ZNF827: variants seen among roughly 807,000 people sequenced by gnomAD.
ZNF827 encodes zinc finger protein 827.
A neutral mutation model predicts 102.4 loss-of-function variants in ZNF827; 13 were observed. The ratio of observed to expected loss-of-function variants is 0.13; its 90% CI spans 0.08 to 0.20. ZNF827 has a LOEUF of 0.20. ZNF827 is among the 10% of genes least tolerant of loss of function. The pLI, the probability that ZNF827 is intolerant of heterozygous loss-of-function variation, is 1.00. For missense variants in ZNF827, 1,103 were observed against 1,344.4 expected (o/e 0.82, Z 2.81); for synonymous variants, 523 against 536.2 (o/e 0.98, Z 0.34).
intron 5 of ZNF827, among the ~76,000 whole-genome samples, chr4:145,856,101 T>C (rs1372415362): frequency 6.6e-6 from 1 of 152,022 alleles, no homozygotes; most frequent in African/African-American, 2.4e-5. Flanking sequence ...TTCAAGCAAT[T>C]CTCCTGCCTC....
In ZNF827 at chr4:145,849,362, G is replaced by A; in HGVS notation, c.2181C>T (p.Ile727=). ...PPERNLFSQD[I]SVKMASELLF... is the part of the protein sequence containing the mutation. ...GGAGCTCGGAAGCCATTTTCACAGA[G>A]ATATCCTGACTGAAGAGGTTTCTCT... The change falls in exon 6 of 15, where the codon ATC becomes ATT. Residue 727 remains isoleucine (I), a synonymous_variant. Transcript: ENST00000508784. The A allele has an allele frequency of 6.2e-7, 1 of 1,614,096 alleles. No individual in the cohort carries two copies.
intron 4 of ZNF827, among the ~76,000 whole-genome samples, chr4:145,879,844 A>G (rs909704992): frequency 1.3e-5 from 2 of 152,228 alleles, no homozygotes; most frequent in Non-Finnish European, 2.9e-5. Flanking sequence ...GGCAGAGAAC[A>G]GAGCCGAGTT....
intron 11 of ZNF827, among the ~76,000 whole-genome samples, chr4:145,771,455 T>C (rs1366146211): frequency 6.6e-6 from 1 of 152,246 alleles, no homozygotes. Context: ...GATAGTTGTA[T>C]TTTCCAAATA....
chr4:145,823,733 G>C (rs941416915), intron 7 of ZNF827, among the ~76,000 whole-genome samples: 2 of 152,206 alleles, frequency 1.3e-5, no homozygotes, highest in African/African-American at 4.8e-5. Context: ...TTCTGCCTAT[G>C]GGTTTTATAT....
In ZNF827 at chr4:145,852,525, A is replaced by G. The variant is rs116045928; in HGVS notation, c.1982-2964T>C. ...TCTCAATGGACAAGTGAAACACTGG[A>G]CAAATAATACAGTAAATATCACAGT... On this transcript the variant is annotated intron_variant, in intron 5 of 14. Coordinates refer to ENST00000508784, the MANE Select transcript of ZNF827 (RefSeq NM_001306215.2). Among the ~76,000 whole-genome samples the G allele has an allele frequency of 3.9e-3, 590 of 152,306 alleles. 2 individuals carry two copies. The highest frequency in any genetic ancestry group is 0.014 in the Middle Eastern group (4 of 294).
Position 145,757,644 on chromosome 4 carries a change from T to C in ZNF827, c.*3972A>G, listed in dbSNP as rs1441210920. Reference sequence around the variant, plus strand: ...AACAAGAGTATAGCCAACCTTTTTTTTTTTTTAATTAGAGTATATTATACT... The same window carrying C: ...AACAAGAGTATAGCCAACCTTTTTTCTTTTTTAATTAGAGTATATTATACT... On this transcript the variant is annotated 3_prime_UTR_variant, in exon 15 of 15. Coordinates refer to ENST00000508784, the MANE Select transcript of ZNF827 (RefSeq NM_001306215.2). 6.6e-6 allele frequency: 1 copy of C among 152,004 alleles called. No individual in the cohort carries two copies. The highest frequency in any genetic ancestry group is 1.9e-4 in the East Asian group (1 of 5,202). The allele number at this position is 152,004 out of a possible 1,614,324, so 9.4% of individuals were successfully genotyped here.
intron 7 of ZNF827, among the ~76,000 whole-genome samples, chr4:145,837,470 C>A (rs996444866): frequency 7.1e-6 from 1 of 141,122 alleles, no homozygotes; most frequent in African/African-American, 2.5e-5. Context: ...AGACTGTGCC[C>A]CCCACCAAAA....
At chr4:145,928,602 C>A (rs1753594692) in intron 1 of ZNF827, among the ~76,000 whole-genome samples, 1 of 152,200 alleles carries the variant, frequency 6.6e-6, no homozygotes, top group Admixed American at 6.5e-5. Flanking sequence ...CTACAATGGT[C>A]TCCCACTTCA....
intron 1 of ZNF827, among the ~76,000 whole-genome samples, chr4:145,920,032 T>C (rs947751850): frequency 1.3e-5 from 2 of 152,268 alleles, no homozygotes; most frequent in African/African-American, 4.8e-5. Context: ...AAGATACTAA[T>C]ATCTGCAATT....
intron 8 of ZNF827, among the ~76,000 whole-genome samples, chr4:145,822,103 CT>C (rs745385420): frequency 5.5e-4 from 84 of 152,276 alleles, no homozygotes; most frequent in Admixed American, 4.2e-3. Flanking sequence ...CCAAGAACCC[CT>C]GTTTGAGTAT....
chr4:145,802,788 A>T (rs1053044881), intron 8 of ZNF827, among the ~76,000 whole-genome samples: 1 of 152,152 alleles, frequency 6.6e-6, no homozygotes, highest in Non-Finnish European at 1.5e-5. Flanking sequence ...AAAAAAAATT[A>T]AAAAGTTAGC....
intron 2 of ZNF827, among the ~76,000 whole-genome samples, chr4:145,899,610 C>T (rs879389300): frequency 1.2e-4 from 19 of 152,188 alleles, no homozygotes; most frequent in Non-Finnish European, 2.5e-4. Context: ...GATGGGCCCA[C>T]GTGGACGTAT....
At chr4:145,786,428 A>T (rs896971647) in intron 8 of ZNF827, among the ~76,000 whole-genome samples, 13 of 152,220 alleles carry the variant, frequency 8.5e-5, no homozygotes, top group African/African-American at 3.1e-4. Context: ...CAGATCAACT[A>T]AATCTCATTA....
At chr4:145,770,124 C>A (rs115413191) in intron 11 of ZNF827, among the ~76,000 whole-genome samples, 3,188 of 152,110 alleles carry the variant, frequency 0.021, 47 homozygotes, top group Non-Finnish European at 0.034. Flanking sequence ...TGGCAAAACC[C>A]CATCTCTACT....
chr4:145,799,356 T>G (rs534149983), intron 8 of ZNF827, among the ~76,000 whole-genome samples: 1 of 152,316 alleles, frequency 6.6e-6, no homozygotes, highest in South Asian at 2.1e-4. Flanking sequence ...TATGACATCA[T>G]TAATCCTCAC....
intron 1 of ZNF827, among the ~76,000 whole-genome samples, chr4:145,924,092 A>G (rs953946902): frequency 4.6e-5 from 7 of 152,250 alleles, no homozygotes; most frequent in African/African-American, 1.7e-4. Context: ...AGCTACATGC[A>G]TCAACATGGA....
Position 145,902,913 on chromosome 4 carries a change from T to C in ZNF827, c.346A>G (p.Asn116Asp). Reference sequence around the variant, plus strand: ...CTCAAATTGCTGCTCAGGGGCTTGTTGGAGCCTGGGTCATCGTCACACAAA... The same window carrying C: ...CTCAAATTGCTGCTCAGGGGCTTGTCGGAGCCTGGGTCATCGTCACACAAA... ...SSLCDDDPGS[N>D]KPLSSNLRRL... The change falls in exon 2 of 15, where the codon AAC becomes GAC. Residue 116 changes from asparagine (N) to aspartate (D), a missense_variant. Physicochemically the swap from Asn to Asp is conservative, Grantham distance 23. Around this residue, in one of 5 missense-constraint regions of ZNF827, gnomAD observed 441 missense variants for 458.6 expected, o/e 0.96. Transcript: ENST00000508784. This position sits in a 1 kb window ranked among gnomAD's most constrained non-coding sequence, Gnocchi z 4.3. The C allele has an allele frequency of 6.2e-7, 1 of 1,614,190 alleles. No homozygotes were observed.
At position 145,762,431 on chromosome 4, in the gene ZNF827, T is replaced by C. The variant is rs1176405767; in HGVS notation, c.*17+659A>G. On this transcript the variant is annotated intron_variant, in intron 14 of 14. Coordinates refer to ENST00000508784, the MANE Select transcript of ZNF827 (RefSeq NM_001306215.2). This position sits in a 1 kb window ranked among gnomAD's most constrained non-coding sequence, Gnocchi z 4.9. The stretch of plus-strand genomic sequence containing the variant: ...GATAATAATCCAACTGGATTGGAAA[T>C]TCTCAGAGGGCAGGACCATATCTTA... Among the ~76,000 whole-genome samples, 1 of 152,188 alleles carries C rather than the reference T, an allele frequency of 6.6e-6. No individual in the cohort carries two copies. Among genetic ancestry groups the C allele is most frequent in the South Asian group, 2.1e-4 (1 of 4,828 alleles).
chr4:145,840,192 A>C (rs982250734), intron 7 of ZNF827, among the ~76,000 whole-genome samples: 1 of 151,348 alleles, frequency 6.6e-6, no homozygotes, highest in Non-Finnish European at 1.5e-5. Context: ...TGAAAAATAG[A>C]AGCTCAAAGA....
Sources: gnomAD v4.1 joint callset for allele counts (sites outside exome capture counted in the v4.1 genomes callset) on GRCh38, gnomAD v4.1.1 for gene constraint, gnomAD v4.1.1 regional missense constraint, Gnocchi (gnomAD v3.1) non-coding constraint, MANE v1.5 for transcripts, NCBI Gene and HGNC (gene_info 2026-07-23, HGNC 2026-07-21) for gene names.